The following BCL2L11 variants were observed in gnomAD, a reference collection of about 807,000 sequenced individuals.
BCL2L11 encodes bcl-2-like protein 11.
Under a neutral mutation model 20.6 loss-of-function variants are expected in BCL2L11, and 15 were observed. The observed-to-expected ratio is 0.73, with a 90% CI of 0.49 to 1.12. The LOEUF (loss-of-function observed/expected upper bound fraction) is 1.12, where lower values mean the gene tolerates loss of function less well. Among genes scored for constraint, BCL2L11 ranks in the 50% most tolerant of loss-of-function variants. The pLI, the probability that BCL2L11 is intolerant of heterozygous loss-of-function variation, is 0.00. For missense variants in BCL2L11, 292 were observed against 260.9 expected (o/e 1.12, Z -0.82); for synonymous variants, 108 against 92.8 (o/e 1.16, Z -0.94).
intron 2 of BCL2L11, among the ~76,000 whole-genome samples, chr2:111,125,466 A>G (rs2072372637): frequency 6.6e-6 from 1 of 152,254 alleles, no homozygotes; most frequent in South Asian, 2.1e-4. Flanking sequence ...AGAGTTATCA[A>G]TTAGGAAACC....
intron 2 of BCL2L11, among the ~76,000 whole-genome samples, chr2:111,143,070 T>G (rs2076062454): frequency 6.6e-6 from 1 of 152,354 alleles, no homozygotes; most frequent in South Asian, 2.1e-4. Flanking sequence ...AGGGTTGGTC[T>G]TCTTTTAGCT....
intron 3 of BCL2L11, among the ~76,000 whole-genome samples, chr2:111,155,427 C>T (rs1052432259): frequency 2.0e-5 from 3 of 150,660 alleles, no homozygotes; most frequent in South Asian, 4.2e-4. Context: ...AGATGTGGGC[C>T]GGAGGTACTG....
intron 3 of BCL2L11, chr2:111,153,984 G>A (rs1201366302): frequency 1.8e-5 from 24 of 1,369,306 alleles, no homozygotes; most frequent in African/African-American, 8.9e-5. Flanking sequence ...CGGGCTGAAC[G>A]GCCTGGCCCC....
chr2:111,163,115 GT>G, intron 3 of BCL2L11: 1 of 154,414 alleles, frequency 6.5e-6, no homozygotes. Context: ...TGCGGCTGGT[GT>G]CTGTGGGGGC....
chr2:111,146,663 G>C (rs1401399021), intron 2 of BCL2L11, among the ~76,000 whole-genome samples: 1 of 152,180 alleles, frequency 6.6e-6, no homozygotes, highest in Non-Finnish European at 1.5e-5. Flanking sequence ...TGTTCTGGTT[G>C]ATTTCATGTG....
intron 1 of BCL2L11, chr2:111,123,447 G>A (rs931582999): frequency 5.1e-6 from 5 of 985,356 alleles, no homozygotes; most frequent in Non-Finnish European, 6.0e-6. Flanking sequence ...CACACGAATA[G>A]ACTTCAGATT....
chr2:111,125,404 C>G (rs1337600999), intron 2 of BCL2L11, among the ~76,000 whole-genome samples: 1 of 152,154 alleles, frequency 6.6e-6, no homozygotes, highest in African/African-American at 2.4e-5. Flanking sequence ...ATCACATTGA[C>G]CATTTGTCCA....
At chr2:111,138,946 C>T (rs1256665781) in intron 2 of BCL2L11, among the ~76,000 whole-genome samples, 2 of 152,106 alleles carry the variant, frequency 1.3e-5, no homozygotes, top group African/African-American at 4.8e-5. Flanking sequence ...TTCCTTGCCC[C>T]TCAATGAGCC....
At chr2:111,144,847 G>A (rs916546229) in intron 2 of BCL2L11, among the ~76,000 whole-genome samples, 44 of 152,200 alleles carry the variant, frequency 2.9e-4, no homozygotes, top group African/African-American at 1.1e-3. Flanking sequence ...TCTCTGGAGA[G>A]TAAAGGTAGA....
intron 2 of BCL2L11, among the ~76,000 whole-genome samples, chr2:111,127,422 T>C (rs1042704848): frequency 6.7e-6 from 1 of 150,034 alleles, no homozygotes; most frequent in Non-Finnish European, 1.5e-5. Flanking sequence ...TGGCTTTCTT[T>C]TTTTTTTTTT....
At chr2:111,135,221 A>AT (rs1199472011) in intron 2 of BCL2L11, among the ~76,000 whole-genome samples, 1 of 151,614 alleles carries the variant, frequency 6.6e-6, no homozygotes, top group Non-Finnish European at 1.5e-5. Flanking sequence ...AATTCTATTG[A>AT]TTTTGCCTCA....
intron 3 of BCL2L11, among the ~76,000 whole-genome samples, chr2:111,156,906 C>T (rs1324767484): frequency 2.0e-5 from 3 of 152,164 alleles, no homozygotes; most frequent in Non-Finnish European, 2.9e-5. Context: ...AATGGGTCTT[C>T]GGCGTTTAGA....
chr2:111,148,557 TA>T (rs1284159795), intron 2 of BCL2L11, among the ~76,000 whole-genome samples: 1 of 152,232 alleles, frequency 6.6e-6, no homozygotes, highest in Admixed American at 6.5e-5. Context: ...ACAATCAAAG[TA>T]AATTTTGTAT....
In BCL2L11 at chr2:111,150,203, A is replaced by G. The variant is rs569981885; in HGVS notation, c.498+56A>G. 6.7e-5 allele frequency: 106 copies of G among 1,576,960 alleles called. No homozygotes were observed. The African/African-American group carries it at 1.3e-3, about 19-fold the overall frequency. On this transcript the variant is annotated intron_variant, in intron 3 of 3. Transcript: ENST00000393256. Reference sequence around the variant, plus strand: ...CTCACACCCTCCCCTTCCACACTATATTTTTTTAAAAAGACAGTGACTTCT... The same window carrying G: ...CTCACACCCTCCCCTTCCACACTATGTTTTTTTAAAAAGACAGTGACTTCT...
intron 3 of BCL2L11, 62 bp from the exon 4 acceptor site, chr2:111,164,071 T>TGCCCCCCC: frequency 6.0e-6 from 4 of 664,718 alleles, no homozygotes; most frequent in East Asian, 3.3e-5. Context: ...AAATATGGGC[T>TGCCCCCCC]CCCACCCCTC....
chr2:111,125,459 G>GT (rs778640369), intron 2 of BCL2L11, among the ~76,000 whole-genome samples: 146 of 152,322 alleles, frequency 9.6e-4, no homozygotes, highest in Non-Finnish European at 1.9e-3. Flanking sequence ...AGTTGGTAGA[G>GT]TTATCAATTA....
At chr2:111,132,215 T>G (rs1236003266) in intron 2 of BCL2L11, 30 of 152,242 alleles carry the variant, frequency 2.0e-4, no homozygotes, top group Admixed American at 2.0e-3. Flanking sequence ...CAGGCTTTGT[T>G]GAATCATTTG....
At position 111,167,442 on chromosome 2, in the gene BCL2L11, A is replaced by G. The variant is rs1373698388; in HGVS notation, c.*3211A>G. 6.6e-6 allele frequency: 1 copy of G among 152,194 alleles called. No homozygotes were observed. Among genetic ancestry groups the G allele is most frequent in the East Asian group, 1.9e-4 (1 of 5,200 alleles). The allele number at this position is 152,194 out of a possible 1,614,324, so 9.4% of individuals were successfully genotyped here. ...CTTATCATGCAAGCAAATTTTGCTG[A>G]CTCCAGGCTTTATCTTTAGGAAAAC... On this transcript the variant is annotated 3_prime_UTR_variant, in exon 4 of 4. Coordinates refer to ENST00000393256, the MANE Select transcript of BCL2L11 (RefSeq NM_138621.5).
intron 2 of BCL2L11, chr2:111,128,799 T>C (rs1237112451): frequency 6.6e-7 from 1 of 1,521,128 alleles, no homozygotes; most frequent in Non-Finnish European, 8.8e-7. Flanking sequence ...CTTGAGCATT[T>C]TGTCATATGG....
Sources: gnomAD v4.1 joint callset for allele counts (sites outside exome capture counted in the v4.1 genomes callset) on GRCh38, gnomAD v4.1.1 for gene constraint, MANE v1.5 for transcripts, NCBI Gene and HGNC (gene_info 2026-07-23, HGNC 2026-07-21) for gene names.